The following SNX4 variants were observed in gnomAD, a reference collection of about 807,000 sequenced individuals.
The protein encoded by SNX4 is sorting nexin-4.
Under a neutral mutation model 70.8 loss-of-function variants are expected in SNX4, and 49 were observed. That is an observed-to-expected ratio of 0.69 (90% CI 0.55 to 0.88). The LOEUF (loss-of-function observed/expected upper bound fraction) is 0.88, where lower values mean the gene tolerates loss of function less well. Among genes scored for constraint, SNX4 ranks in the 40% least tolerant of loss-of-function variants. The probability of loss-of-function intolerance (pLI) is 0.00; values close to 1 mark genes in which losing one functional copy is unlikely to be tolerated. For synonymous variants in SNX4, 206 were observed against 183.8 expected (o/e 1.12, Z -0.98); for missense variants, 528 against 544.8 (o/e 0.97, Z 0.31).
At chr3:125,514,179 C>G (rs1194778154) in intron 1 of SNX4, among the ~76,000 whole-genome samples, 1 of 152,090 alleles carries the variant, frequency 6.6e-6, no homozygotes, top group African/African-American at 2.4e-5. Context: ...CAGAAACATT[C>G]AATCCAAAGC....
At chr3:125,498,300 C>T in intron 2 of SNX4, 106 bp from the exon 3 acceptor site, 2 of 1,051,668 alleles carry the variant, frequency 1.9e-6, no homozygotes, top group Non-Finnish European at 1.4e-6. Context: ...ATGAACCAGG[C>T]ACTAAGTAAA....
rs148165858 is a variant in SNX4, at chr3:125,486,824, G to A, written c.653+2584C>T. Among the ~76,000 whole-genome samples the A allele has an allele frequency of 4.3e-3, 647 of 152,198 alleles. 5 individuals are homozygous for A. The highest frequency in any genetic ancestry group is 0.026 in the South Asian group (125 of 4,820). On this transcript the variant is annotated intron_variant, in intron 6 of 13. Transcript: ENST00000251775. ...TTCCAGCTATTCTAGAGGCTGAGGC[G>A]GAGGATTGTTGAGCCCAGCAGTTCC...
At chr3:125,511,231 C>A (rs1274817193) in intron 1 of SNX4, among the ~76,000 whole-genome samples, 2 of 152,160 alleles carry the variant, frequency 1.3e-5, no homozygotes, top group African/African-American at 4.8e-5. Flanking sequence ...ATTTTTTAAA[C>A]TGAAGAATAA....
At chr3:125,516,201 T>C (rs1190398354) in intron 1 of SNX4, among the ~76,000 whole-genome samples, 3 of 152,118 alleles carry the variant, frequency 2.0e-5, no homozygotes, top group Admixed American at 2.0e-4. Context: ...CTGTAAATGG[T>C]TTTTCTCTGG....
intron 6 of SNX4, among the ~76,000 whole-genome samples, chr3:125,483,687 C>A (rs971493462): frequency 6.6e-6 from 1 of 152,068 alleles, no homozygotes; most frequent in Non-Finnish European, 1.5e-5. Flanking sequence ...ACCAGAAAGT[C>A]AGAGCTAAAA....
chr3:125,492,107 C>CAAAAAAAAAAA (rs60558490), intron 5 of SNX4, among the ~76,000 whole-genome samples: 1 of 47,398 alleles, frequency 2.1e-5, no homozygotes, highest in Non-Finnish European at 4.0e-5. Context: ...GACTCCATCT[C>CAAAAAAAAAAA]AAAAAAAAAA....
intron 10 of SNX4, among the ~76,000 whole-genome samples, chr3:125,459,826 AGAT>A (rs1933829025): frequency 6.6e-6 from 1 of 151,702 alleles, no homozygotes; most frequent in Non-Finnish European, 1.5e-5. Context: ...AACAATGTGC[AGAT>A]GATTTCACAC....
intron 1 of SNX4, among the ~76,000 whole-genome samples, chr3:125,510,362 C>G (rs1433437805): frequency 6.6e-6 from 1 of 151,940 alleles, no homozygotes; most frequent in African/African-American, 2.4e-5. Flanking sequence ...TCCCGAGAAG[C>G]TGGGACTACA....
intron 6 of SNX4, among the ~76,000 whole-genome samples, chr3:125,484,633 C>G (rs56000830): frequency 1.5e-3 from 224 of 152,258 alleles, no homozygotes; most frequent in African/African-American, 4.7e-3. Flanking sequence ...TCATCCATTT[C>G]TCAAGACTCA....
At chr3:125,508,733 G>A (rs1037371597) in intron 1 of SNX4, among the ~76,000 whole-genome samples, 2 of 152,066 alleles carry the variant, frequency 1.3e-5, no homozygotes, top group Admixed American at 6.6e-5. Context: ...CGAATATATG[G>A]TCAAACAATT....
chr3:125,468,258 G>A (rs1934081399), intron 9 of SNX4, among the ~76,000 whole-genome samples: 1 of 152,198 alleles, frequency 6.6e-6, no homozygotes, highest in Non-Finnish European at 1.5e-5. Flanking sequence ...TGGAGGTTAG[G>A]AGGAGGGTGA....
intron 8 of SNX4, among the ~76,000 whole-genome samples, chr3:125,475,481 C>A (rs1934270566): frequency 6.6e-6 from 1 of 152,184 alleles, no homozygotes. Context: ...TTTCCTGAGT[C>A]AGTCTCCTGA....
rs747220686 is a variant in SNX4 at position 125,453,883 on chromosome 3, C to T, written c.1117G>A (p.Ala373Thr). The change falls in exon 12 of 14, where the codon GCC becomes ACC. Residue 373 changes from alanine (A) to threonine (T), a missense_variant. By Grantham distance (58) the Ala-to-Thr change is moderately conservative. This residue lies in a region of SNX4 where 159 missense variants were observed against 172.6 expected (regional missense o/e 0.92). Coordinates refer to ENST00000251775, the MANE Select transcript of SNX4 (RefSeq NM_003794.4). ...TGTTCTTCTAGCACCTTTATTCTGGCTTCTCTCTGCTCTGGAGTTTCTTGA... is the reference window on the plus strand; with the variant it reads ...TGTTCTTCTAGCACCTTTATTCTGGTTTCTCTCTGCTCTGGAGTTTCTTGA... Reference protein sequence around the residue: ...FGQETPEQREARIKVLEEQIN... With the variant: ...FGQETPEQRETRIKVLEEQIN... 6.8e-6 allele frequency: 11 copies of T among 1,613,888 alleles called. No homozygotes were observed. The Admixed American group carries it at 1.5e-4, about 22-fold the overall frequency.
chr3:125,486,481 C>T (rs1040903891), intron 6 of SNX4, among the ~76,000 whole-genome samples: 1 of 152,010 alleles, frequency 6.6e-6, no homozygotes, highest in Non-Finnish European at 1.5e-5. Context: ...CAGGAGATTG[C>T]CGGGCGTGGT....
intron 8 of SNX4, among the ~76,000 whole-genome samples, chr3:125,472,963 T>C (rs1934211697): frequency 6.6e-6 from 1 of 151,746 alleles, no homozygotes; most frequent in South Asian, 2.1e-4. Context: ...CTCAAAAAAG[T>C]CTTATTACCC....
chr3:125,504,080 G>A (rs1359134231), intron 2 of SNX4, among the ~76,000 whole-genome samples: 1 of 151,846 alleles, frequency 6.6e-6, no homozygotes, highest in Non-Finnish European at 1.5e-5. Flanking sequence ...CTTGTAATCC[G>A]AACACTTTGG....
rs191230506 is a variant in SNX4, at chr3:125,509,973, T to C, written c.142-5229A>G. On this transcript the variant is annotated intron_variant, in intron 1 of 13. Coordinates refer to ENST00000251775, the MANE Select transcript of SNX4 (RefSeq NM_003794.4). Reference sequence around the variant, plus strand: ...AATAGAAAATCAGTGTTGGTGAGGATGTGGAGAAATTGGAACCCTCGTGCC... The same window carrying C: ...AATAGAAAATCAGTGTTGGTGAGGACGTGGAGAAATTGGAACCCTCGTGCC... 4.2e-3 allele frequency among the ~76,000 whole-genome samples: 646 copies of C among 152,210 alleles called. 4 individuals carry two copies. The highest frequency in any genetic ancestry group is 0.017 in the Middle Eastern group (5 of 294).
chr3:125,510,450 C>T (rs1020938990), intron 1 of SNX4, among the ~76,000 whole-genome samples: 4 of 151,908 alleles, frequency 2.6e-5, no homozygotes, highest in Non-Finnish European at 4.4e-5. Context: ...AGCATGGTCT[C>T]GATCTCCTGA....
At chr3:125,458,450 T>C (rs934342352) in intron 10 of SNX4, among the ~76,000 whole-genome samples, 5 of 152,216 alleles carry the variant, frequency 3.3e-5, no homozygotes, top group African/African-American at 1.2e-4. Flanking sequence ...ATTATATGCA[T>C]GAGCCATGTC....
Sources: gnomAD v4.1 joint callset for allele counts (sites outside exome capture counted in the v4.1 genomes callset) on GRCh38, gnomAD v4.1.1 for gene constraint, gnomAD v4.1.1 regional missense constraint, MANE v1.5 for transcripts, NCBI Gene and HGNC (gene_info 2026-07-23, HGNC 2026-07-21) for gene names.